The following DTNB variants were observed in gnomAD, a reference collection of about 807,000 sequenced individuals.
DTNB encodes dystrobrevin beta, also known as DTN-B.
In DTNB, 63 loss-of-function variants were observed where a neutral mutation model predicts 90.7. The ratio of observed to expected loss-of-function variants is 0.69; its 90% CI spans 0.57 to 0.86. The LOEUF (loss-of-function observed/expected upper bound fraction) is 0.86. Among genes scored for constraint, DTNB ranks in the 40% least tolerant of loss-of-function variants. The pLI is 0.00. For synonymous variants in DTNB, 277 were observed against 286.7 expected, an observed-to-expected ratio of 0.97 and a Z score of 0.34; for missense variants, 744 against 807.1, an observed-to-expected ratio of 0.92 and a Z score of 0.95.
chr2:25,658,908 T>G (rs1233015134), intron 1 of DTNB, among the ~76,000 whole-genome samples: 2 of 152,154 alleles, frequency 1.3e-5, no homozygotes, highest in African/African-American at 4.8e-5. Flanking sequence ...GAATCTTTAT[T>G]TTTTTAATCT....
rs941005206 is a variant in DTNB, at chr2:25,604,631, C to T, written c.448+2605G>A. On this transcript the variant is annotated intron_variant, in intron 5 of 20. Transcript: ENST00000406818. Reference sequence around the variant, plus strand: ...TTTTTTTGAGACAGTCTCACTCCGTCGGCCAGGCTAGAGTGCAGTGGCATG... The same window carrying T: ...TTTTTTTGAGACAGTCTCACTCCGTTGGCCAGGCTAGAGTGCAGTGGCATG... Among the ~76,000 whole-genome samples, 9 of 152,254 alleles carry T rather than the reference C, an allele frequency of 5.9e-5. No homozygotes were observed. In the South Asian group the frequency reaches 6.2e-4, roughly 11 times the overall value.
At position 25,483,795 on chromosome 2, in the gene DTNB, G is replaced by A. The variant is rs1029998445; in HGVS notation, c.1002-922C>T. ...TGACTATTGCTAAATACTTAAACTGGAAAATTTCTCACTTCCTCTTTTAAA... is the reference window on the plus strand; with the variant it reads ...TGACTATTGCTAAATACTTAAACTGAAAAATTTCTCACTTCCTCTTTTAAA... On this transcript the variant is annotated intron_variant, in intron 9 of 20. Coordinates refer to ENST00000406818, the MANE Select transcript of DTNB (RefSeq NM_021907.5). Among the ~76,000 whole-genome samples the A allele has an allele frequency of 2.6e-5, 4 of 152,112 alleles. No homozygotes were observed. In the South Asian group the frequency reaches 6.2e-4, roughly 24 times the overall value.
chr2:25,471,967 CTTTCTT>C (rs2062895861), intron 10 of DTNB, among the ~76,000 whole-genome samples: 6 of 152,182 alleles, frequency 3.9e-5, no homozygotes, highest in South Asian at 4.1e-4. Context: ...GGAATAATAC[CTTTCTT>C]TTTAATTTCC....
At chr2:25,479,482 AT>A in intron 10 of DTNB, among the ~76,000 whole-genome samples, 1 of 152,172 alleles carries the variant, frequency 6.6e-6, no homozygotes, top group Non-Finnish European at 1.5e-5. Context: ...AAGAAAGTAA[AT>A]TTCAAGGAAG....
Position 25,509,746 on chromosome 2 carries a change from C to CTT in DTNB, c.1001+21725_1001+21726dup, listed in dbSNP as rs36101268. 8.5e-3 allele frequency among the ~76,000 whole-genome samples: 714 copies of CTT among 83,702 alleles called. 25 individuals are homozygous for CTT. Among genetic ancestry groups the CTT allele is most frequent in the African/African-American group, 0.01 (209 of 20,652 alleles). The allele number at this position is 83,702 out of a possible 152,430, so 54.9% of individuals were successfully genotyped here. On this transcript the variant is annotated intron_variant, in intron 9 of 20. Coordinates refer to ENST00000406818, the MANE Select transcript of DTNB (RefSeq NM_021907.5). ...GTAGGTATGAATTTTCTTTTAGATT[C>CTT]TTTTTTTTTTTTTTTTTTTTTGAGA...
chr2:25,523,096 A>C (rs933097317), intron 9 of DTNB, among the ~76,000 whole-genome samples: 5 of 152,238 alleles, frequency 3.3e-5, no homozygotes, highest in African/African-American at 1.2e-4. Flanking sequence ...TGAGCCTATC[A>C]GAAAAGTCTA....
At chr2:25,580,391 G>A (rs1377198665) in intron 7 of DTNB, among the ~76,000 whole-genome samples, 3 of 151,632 alleles carry the variant, frequency 2.0e-5, no homozygotes, top group Admixed American at 6.6e-5. Flanking sequence ...TGTGGTGGCC[G>A]GCACCTGTAA....
chr2:25,577,937 T>C (rs573435386), intron 7 of DTNB, among the ~76,000 whole-genome samples: 2 of 151,730 alleles, frequency 1.3e-5, no homozygotes, highest in Non-Finnish European at 2.9e-5. Context: ...GAGGCGGAGG[T>C]TGCAGTGAGC....
intron 16 of DTNB, among the ~76,000 whole-genome samples, chr2:25,392,771 A>C (rs2041485862): frequency 6.6e-6 from 1 of 152,206 alleles, no homozygotes; most frequent in Non-Finnish European, 1.5e-5. Flanking sequence ...CCAACAAAAA[A>C]CAGTCCAGGA....
At chr2:25,418,292 CTT>C (rs1161846277) in intron 16 of DTNB, among the ~76,000 whole-genome samples, 1 of 152,184 alleles carries the variant, frequency 6.6e-6, no homozygotes, top group Non-Finnish European at 1.5e-5. Context: ...CTACTGATCT[CTT>C]CTTTCCTTTC....
At chr2:25,383,305 T>G (rs1308348032) in intron 19 of DTNB, among the ~76,000 whole-genome samples, 1 of 145,320 alleles carries the variant, frequency 6.9e-6, no homozygotes, top group Non-Finnish European at 1.5e-5. Flanking sequence ...AATCTCTGCC[T>G]CCCAGGTTCA....
chr2:25,579,749 T>A (rs1301493194), intron 7 of DTNB, among the ~76,000 whole-genome samples: 1 of 152,106 alleles, frequency 6.6e-6, no homozygotes, highest in Admixed American at 6.5e-5. Context: ...TTAAATTATA[T>A]CTTGGCTATT....
intron 12 of DTNB, among the ~76,000 whole-genome samples, chr2:25,441,500 T>G (rs1463288084): frequency 1.3e-5 from 2 of 152,248 alleles, no homozygotes; most frequent in African/African-American, 4.8e-5. Flanking sequence ...TGCTGACAGC[T>G]TTAATGAGGC....
At chr2:25,454,388 T>G (rs2059704124) in intron 11 of DTNB, among the ~76,000 whole-genome samples, 1 of 152,230 alleles carries the variant, frequency 6.6e-6, no homozygotes, top group Non-Finnish European at 1.5e-5. Context: ...TGGCATGCTA[T>G]AAGCAAAACT....
At chr2:25,546,824 A>G (rs1306476049) in intron 8 of DTNB, among the ~76,000 whole-genome samples, 1 of 152,110 alleles carries the variant, frequency 6.6e-6, no homozygotes, top group Non-Finnish European at 1.5e-5. Context: ...GTGCAACAAG[A>G]TAGGATAGAT....
intron 8 of DTNB, among the ~76,000 whole-genome samples, chr2:25,572,131 T>C (rs1278102635): frequency 6.6e-6 from 1 of 152,114 alleles, no homozygotes; most frequent in African/African-American, 2.4e-5. Context: ...ATAAGGATCA[T>C]ACAGAACTCC....
chr2:25,478,678 G>A (rs1302595947), intron 10 of DTNB, among the ~76,000 whole-genome samples: 1 of 152,026 alleles, frequency 6.6e-6, no homozygotes, highest in African/African-American at 2.4e-5. Flanking sequence ...TCTTTTCTTG[G>A]CAGTATACTC....
chr2:25,493,244 T>A (rs2067977177), intron 9 of DTNB, among the ~76,000 whole-genome samples: 1 of 152,214 alleles, frequency 6.6e-6, no homozygotes, highest in Admixed American at 6.5e-5. Flanking sequence ...GTATTCCCCA[T>A]AATAATGCTT....
chr2:25,658,553 CAAT>C (rs1468947509), intron 1 of DTNB, among the ~76,000 whole-genome samples: 2 of 152,082 alleles, frequency 1.3e-5, no homozygotes, highest in Non-Finnish European at 2.9e-5. Context: ...AAATAAACTG[CAAT>C]ACTTCATAAA....
Sources: gnomAD v4.1 joint callset for allele counts (sites outside exome capture counted in the v4.1 genomes callset) on GRCh38, gnomAD v4.1.1 for gene constraint, MANE v1.5 for transcripts, NCBI Gene and HGNC (gene_info 2026-07-23, HGNC 2026-07-21) for gene names.